ABCA1: variants seen among roughly 807,000 people sequenced by gnomAD.
ABCA1 encodes phospholipid-transporting ATPase ABCA1.
ABCA1 carries 133 observed loss-of-function variants against 262.5 expected under a neutral mutation model. That is an observed-to-expected ratio of 0.51 (90% confidence interval 0.44 to 0.59). The LOEUF is 0.59. Ranked by LOEUF, ABCA1 falls within the 20% of genes least tolerant of loss-of-function variation. ABCA1 has a pLI of 0.00. For synonymous variants in ABCA1, 1,022 were observed against 1,043.5 expected (o/e 0.98, Z 0.40); for missense variants, 2,452 against 2,777.5 (o/e 0.88, Z 2.63).
At chr9:104,855,608 GC>G in intron 7 of ABCA1, 1 of 1,392,864 alleles carries the variant, frequency 7.2e-7, no homozygotes. Flanking sequence ...TGTGTGCCAG[GC>G]CCCACACCAG....
chr9:104,909,780 G>C (rs1228544327), intron 1 of ABCA1, among the ~76,000 whole-genome samples: 1 of 152,112 alleles, frequency 6.6e-6, no homozygotes, highest in Non-Finnish European at 1.5e-5. Flanking sequence ...TTCCAGGAGA[G>C]ATGAGAGATG....
chr9:104,849,900 A>G (rs1835223549), intron 7 of ABCA1, among the ~76,000 whole-genome samples: 1 of 152,338 alleles, frequency 6.6e-6, no homozygotes, highest in African/African-American at 2.4e-5. Context: ...CACTTATACA[A>G]TGTGAACACA....
intron 30 of ABCA1, among the ~76,000 whole-genome samples, chr9:104,808,700 ACTTGAAAGTCAAGTTTGCCCC>A (rs1321504655): frequency 6.6e-6 from 1 of 152,164 alleles, no homozygotes; most frequent in African/African-American, 2.4e-5. Flanking sequence ...TCCCATTGAA[ACTTGAAAGTCAAGTTTGCCCC>A]CTCTCCAATT....
At chr9:104,846,831 G>GAGGT (rs1403515397) in intron 7 of ABCA1, among the ~76,000 whole-genome samples, 1 of 152,196 alleles carries the variant, frequency 6.6e-6, no homozygotes. Context: ...GTGATACGCA[G>GAGGT]AGGTGTTCAT....
chr9:104,800,772 G>A (rs1830265728), intron 34 of ABCA1, among the ~76,000 whole-genome samples, 188 bp from the exon 35 acceptor site: 1 of 152,202 alleles, frequency 6.6e-6, no homozygotes, highest in Admixed American at 6.5e-5. Flanking sequence ...ATCTACAGCA[G>A]TGATGCTGCC....
intron 7 of ABCA1, among the ~76,000 whole-genome samples, chr9:104,852,096 C>T (rs1029899979): frequency 9.2e-5 from 14 of 152,178 alleles, no homozygotes; most frequent in Non-Finnish European, 1.3e-4. Context: ...ACAATGTGTT[C>T]ATTGAAACAT....
rs56710442 is a variant in ABCA1, at chr9:104,896,711, C to CTTTTTTTTTTTTTT, written c.66+6889_66+6902dup. On this transcript the variant is annotated intron_variant, in intron 2 of 49. Coordinates refer to ENST00000374736, the MANE Select transcript of ABCA1 (RefSeq NM_005502.4). ...AACTCCAAAATTGCTCCCTACACAT[C>CTTTTTTTTTTTTTT]TTTTTTTTTTTTTTTTTTTTTTTTT... Among the ~76,000 whole-genome samples, 5 of 37,010 alleles carry CTTTTTTTTTTTTTT rather than the reference C, an allele frequency of 1.4e-4. 1 individual carries two copies. Among genetic ancestry groups the CTTTTTTTTTTTTTT allele is most frequent in the African/African-American group, 4.2e-4 (4 of 9,462 alleles). 24.3% of individuals were successfully genotyped at this position (37,010 alleles called of 152,430 possible). A position where few individuals can be genotyped will look rare whatever the true frequency, so the allele number is the denominator to read the frequency against.
chr9:104,921,853 C>T (rs978356579), intron 1 of ABCA1, among the ~76,000 whole-genome samples: 1 of 152,018 alleles, frequency 6.6e-6, no homozygotes, highest in African/African-American at 2.4e-5. Flanking sequence ...AAGAGGAAGA[C>T]AAATAAATGT....
chr9:104,812,861 C>T (rs1831401351), intron 27 of ABCA1, 139 bp from the exon 28 acceptor site: 1 of 1,080,634 alleles, frequency 9.3e-7, no homozygotes. Flanking sequence ...AAAGGGCTTT[C>T]ATGACAAAGC....
Position 104,785,441 on chromosome 9 carries a change from T to C in ABCA1, c.6600A>G (p.Arg2200=). ...AAACAGAGTAGTCTTCTATGTGGAG[T>C]CGCTTTTTGCTCTGGGAGAGGATGC... ...IFSILSQSKK[R]LHIEDYSVSQ... is the part of the protein sequence containing the mutation. The change falls in exon 49 of 50, where the codon CGA becomes CGG. Residue 2200 remains arginine, a synonymous_variant. Coordinates refer to ENST00000374736, the MANE Select transcript of ABCA1 (RefSeq NM_005502.4). 6.2e-7 allele frequency: 1 copy of C among 1,613,952 alleles called. No homozygotes were observed. The highest frequency in any genetic ancestry group is 8.5e-7 in the Non-Finnish European group (1 of 1,179,958).
intron 11 of ABCA1, among the ~76,000 whole-genome samples, chr9:104,836,253 T>C (rs1833808389): frequency 6.6e-6 from 1 of 152,074 alleles, no homozygotes; most frequent in Non-Finnish European, 1.5e-5. Flanking sequence ...TTAAAGTCAA[T>C]AAGGTTCAAA....
rs2118957785 is a variant in ABCA1, at chr9:104,817,654, C to T, written c.3463-250G>A. ...GAGCTGCCAAAAGAACTGTGGCCTG[C>T]CAATGAATGCTGCAATGAGGCCTTT... On this transcript the variant is annotated intron_variant, in intron 23 of 49. Transcript: ENST00000374736. The surrounding 1 kb of genome is among the most constrained non-coding windows in gnomAD (Gnocchi z 4.7). Among the ~76,000 whole-genome samples the T allele has an allele frequency of 6.6e-6, 1 of 152,336 alleles. No individual in the cohort carries two copies. Among genetic ancestry groups the T allele is most frequent in the African/African-American group, 2.4e-5 (1 of 41,574 alleles).
chr9:104,898,309 G>A (rs1425432988), intron 2 of ABCA1, among the ~76,000 whole-genome samples: 2 of 152,014 alleles, frequency 1.3e-5, no homozygotes, highest in South Asian at 4.1e-4. Context: ...CCAGCACTTT[G>A]GGAAGCCGAG....
intron 34 of ABCA1, among the ~76,000 whole-genome samples, chr9:104,800,893 G>A (rs147147986): frequency 2.6e-3 from 400 of 152,052 alleles, no homozygotes; most frequent in Non-Finnish European, 3.9e-3. Context: ...GTGCTCCACC[G>A]GCATCATCTG....
At chr9:104,898,359 G>A (rs1235162949) in intron 2 of ABCA1, among the ~76,000 whole-genome samples, 2 of 151,908 alleles carry the variant, frequency 1.3e-5, no homozygotes, top group African/African-American at 4.8e-5. Context: ...GACCAGCCTG[G>A]CCAATATGGT....
At chr9:104,791,136 T>G in intron 43 of ABCA1, 108 bp from the exon 44 acceptor site, 1 of 767,428 alleles carries the variant, frequency 1.3e-6, no homozygotes, top group Non-Finnish European at 2.3e-6. Flanking sequence ...CAGAGAAGAA[T>G]CAAATATTTT....
chr9:104,871,477 A>G (rs1456552083), intron 5 of ABCA1, among the ~76,000 whole-genome samples: 1 of 152,190 alleles, frequency 6.6e-6, no homozygotes, highest in Non-Finnish European at 1.5e-5. Flanking sequence ...CCCCAGAGGG[A>G]AAGGATGTCC....
rs1329355145 is a variant in ABCA1 at position 104,817,708 on chromosome 9, T to C, written c.3463-304A>G. 6.6e-6 allele frequency among the ~76,000 whole-genome samples: 1 copy of C among 152,232 alleles called. No homozygotes were observed. The highest frequency in any genetic ancestry group is 6.5e-5 in the Admixed American group (1 of 15,284). ...AACCATCTCAGGCAAGGCCTTTACC[T>C]GGCTACATGTCTAGTTCAATGCTTC... is the stretch of plus-strand genomic sequence containing the variant. On this transcript the variant is annotated intron_variant, in intron 23 of 49. Transcript: ENST00000374736. This position sits in a 1 kb window ranked among gnomAD's most constrained non-coding sequence, Gnocchi z 4.7.
intron 5 of ABCA1, among the ~76,000 whole-genome samples, 179 bp from the exon 6 acceptor site, chr9:104,861,979 T>C (rs927837853): frequency 3.9e-5 from 6 of 151,904 alleles, no homozygotes; most frequent in African/African-American, 1.5e-4. Flanking sequence ...CATGAAAATA[T>C]TGCTTTCTGG....
Sources: allele counts gnomAD v4.1 joint callset (sites outside exome capture counted in the v4.1 genomes callset), GRCh38; gene constraint gnomAD v4.1.1; non-coding constraint Gnocchi (gnomAD v3.1); transcripts MANE v1.5; gene names NCBI Gene and HGNC (gene_info 2026-07-23, HGNC 2026-07-21).